Variants in ZNF709 observed in about 807,000 individuals in gnomAD.
The protein encoded by ZNF709 is zinc finger protein 709.
A neutral mutation model predicts 10.6 loss-of-function variants in ZNF709; 15 were observed. That is an observed-to-expected ratio of 1.41 (90% CI 0.95 to 2.18). The LOEUF is 2.18. ZNF709 is among the 30% of genes most tolerant of loss of function. The pLI is 0.00. For synonymous variants in ZNF709, 194 were observed against 238.8 expected, an observed-to-expected ratio of 0.81 and a Z score of 1.73; for missense variants, 589 against 774.0, an observed-to-expected ratio of 0.76 and a Z score of 2.84.
At chr19:12,481,277 C>G (rs538801064) in intron 1 of ZNF709, 1 of 729,502 alleles carries the variant, frequency 1.4e-6, no homozygotes, top group Non-Finnish European at 1.7e-6. Context: ...GTTGCCCAGG[C>G]TGGATTGCAG....
intron 1 of ZNF709, among the ~76,000 whole-genome samples, chr19:12,472,588 T>C (rs1253641874): frequency 7.4e-6 from 1 of 134,230 alleles, no homozygotes; most frequent in African/African-American, 2.8e-5. Context: ...ACCATATATA[T>C]GAAAAAAGGT....
chr19:12,463,944 A>T lies in ZNF709; in HGVS notation c.*52T>A. On this transcript the variant is annotated 3_prime_UTR_variant, in exon 4 of 4. Coordinates refer to ENST00000397732, the MANE Select transcript of ZNF709 (RefSeq NM_152601.4). ...TTCAACTCAAAAAAAAAAAAAAAAA[A>T]AAAGGAAATAGGACAACTGAAAACT... 7.5e-7 allele frequency: 1 copy of T among 1,328,442 alleles called. No individual in the cohort carries two copies. 82.3% of individuals were successfully genotyped at this position (1,328,442 alleles called of 1,614,324 possible).
chr19:12,468,346 C>T (rs1970602740), intron 1 of ZNF709, among the ~76,000 whole-genome samples: 1 of 152,094 alleles, frequency 6.6e-6, no homozygotes, highest in African/African-American at 2.4e-5. Flanking sequence ...TTGTTCAGTA[C>T]TAAGAAAAAT....
At chr19:12,484,623 CCATCT>C (rs756429494) in intron 1 of ZNF709, 27 bp downstream of exon 1, 1 of 1,613,720 alleles carries the variant, frequency 6.2e-7, no homozygotes, top group South Asian at 1.1e-5. Flanking sequence ...CCCCTCTCTC[CCATCT>C]CAAGACCCCC....
chr19:12,468,572 C>A (rs1368862715), intron 1 of ZNF709, among the ~76,000 whole-genome samples: 1 of 150,602 alleles, frequency 6.6e-6, no homozygotes, highest in Non-Finnish European at 1.5e-5. Flanking sequence ...GCCGCAGGGT[C>A]CTCTGCCTAG....
intron 1 of ZNF709, among the ~76,000 whole-genome samples, chr19:12,468,773 C>T (rs1970607113): frequency 6.6e-6 from 1 of 151,268 alleles, no homozygotes; most frequent in South Asian, 2.1e-4. Context: ...AAGAAAAATA[C>T]TTTTTATCTC....
intron 1 of ZNF709, among the ~76,000 whole-genome samples, chr19:12,481,512 T>A (rs1220502932): frequency 6.6e-6 from 1 of 152,176 alleles, no homozygotes; most frequent in Non-Finnish European, 1.5e-5. Context: ...AGCGCTGAAA[T>A]TACAGGCGTG....
At position 12,461,546 on chromosome 19, in the gene ZNF709, CAT is replaced by C. The variant is rs1385878671; in HGVS notation, c.*2448_*2449del. The C allele has an allele frequency of 3.9e-5, 6 of 152,144 alleles. No homozygotes were observed. In the East Asian group the frequency reaches 5.8e-4, roughly 15 times the overall value. The allele number at this position is 152,144 out of a possible 1,614,324, so 9.4% of individuals were successfully genotyped here. The stretch of plus-strand genomic sequence containing the variant: ...AGTTGTCACGGTGGAATCAGAAACA[CAT>C]AGTCACTGGTACTGTTAACAAAACA... On this transcript the variant is annotated 3_prime_UTR_variant, in exon 4 of 4. Coordinates refer to ENST00000397732, the MANE Select transcript of ZNF709 (RefSeq NM_152601.4).
chr19:12,468,114 T>C (rs1288709142), intron 1 of ZNF709, among the ~76,000 whole-genome samples: 2 of 149,446 alleles, frequency 1.3e-5, no homozygotes, highest in African/African-American at 2.5e-5. Context: ...GTCCAGGAGG[T>C]GGGGGGCGCC....
At position 12,464,851 on chromosome 19, in the gene ZNF709, C is replaced by T; in HGVS notation, c.1071G>A (p.Met357Ile). 1 of 1,613,756 alleles carries T rather than the reference C, an allele frequency of 6.2e-7. No individual in the cohort carries two copies. Among genetic ancestry groups the T allele is most frequent in the Non-Finnish European group, 8.5e-7 (1 of 1,179,902 alleles). Residue 357 changes from methionine to isoleucine, a missense_variant, in exon 4 of 4, where the codon ATG (methionine) becomes ATA (isoleucine). Met to Ile is a conservative substitution (Grantham distance 10). Around this residue, in one of 2 missense-constraint regions of ZNF709, gnomAD observed 418 missense variants for 496.3 expected, o/e 0.84. Coordinates refer to ENST00000397732, the MANE Select transcript of ZNF709 (RefSeq NM_152601.4). The part of the protein sequence containing the change: ...SLPSYRRHMI[M>I]HTGNGPYKCK... Reference sequence around the variant, plus strand: ...ATTTATAAGGTCCATTTCCAGTGTGCATTATCATATGTCTTCGATAGCTTG... The same window carrying T: ...ATTTATAAGGTCCATTTCCAGTGTGTATTATCATATGTCTTCGATAGCTTG...
At chr19:12,468,870 T>C (rs2144993162) in intron 1 of ZNF709, among the ~76,000 whole-genome samples, 1 of 152,146 alleles carries the variant, frequency 6.6e-6, no homozygotes, top group African/African-American at 2.4e-5. Context: ...AGACAGAGTC[T>C]TGCTCTGACG....
chr19:12,470,165 C>T (rs891149850), intron 1 of ZNF709, among the ~76,000 whole-genome samples: 4 of 152,098 alleles, frequency 2.6e-5, no homozygotes, highest in African/African-American at 9.7e-5. Flanking sequence ...CATGAGATCC[C>T]GACACCAAAG....
At position 12,484,786 on chromosome 19, in the gene ZNF709, A is replaced by C. The variant is rs1305074606; in HGVS notation, c.-129T>G. On this transcript the variant is annotated 5_prime_UTR_variant, in exon 1 of 4. Coordinates refer to ENST00000397732, the MANE Select transcript of ZNF709 (RefSeq NM_152601.4). ...GTGAGGAGACCCCAGAGCGGAGCGC[A>C]GCGGCTGGTAGCCACGCCCTCGCCG... 2.8e-5 allele frequency: 36 copies of C among 1,276,786 alleles called. No individual in the cohort carries two copies. The highest frequency in any genetic ancestry group is 3.9e-5 in the Non-Finnish European group (36 of 911,408). The allele number at this position is 1,276,786 out of a possible 1,614,324, so 79.1% of individuals were successfully genotyped here.
At chr19:12,481,499 C>T (rs985311728) in intron 1 of ZNF709, among the ~76,000 whole-genome samples, 4 of 152,152 alleles carry the variant, frequency 2.6e-5, no homozygotes, top group Admixed American at 1.3e-4. Flanking sequence ...CTCAGCCTCC[C>T]AAAGCGCTGA....
At chr19:12,476,357 A>C (rs889245867) in intron 1 of ZNF709, among the ~76,000 whole-genome samples, 1 of 151,518 alleles carries the variant, frequency 6.6e-6, no homozygotes, top group African/African-American at 2.4e-5. Flanking sequence ...GCACTACTGC[A>C]CTCTGGCCTG....
chr19:12,482,792 A>G (rs1287828695), intron 1 of ZNF709, among the ~76,000 whole-genome samples: 2 of 152,152 alleles, frequency 1.3e-5, no homozygotes, highest in African/African-American at 2.4e-5. Context: ...ATGAGCAGGT[A>G]GGACACCTGC....
At chr19:12,475,156 G>T (rs1782460502) in intron 1 of ZNF709, among the ~76,000 whole-genome samples, 1 of 151,194 alleles carries the variant, frequency 6.6e-6, no homozygotes, top group Non-Finnish European at 1.5e-5. Flanking sequence ...TACTTGGGAG[G>T]CTGAGGCAGA....
Position 12,468,006 on chromosome 19 carries a change from C to T in ZNF709, c.4-1156G>A, listed in dbSNP as rs1347780741. Reference sequence around the variant, plus strand: ...GGGTCAGCCCCCGCACGGCCAGCCGCCCCGTCCGGGAGGGAGGTGGGGGGT... The same window carrying T: ...GGGTCAGCCCCCGCACGGCCAGCCGTCCCGTCCGGGAGGGAGGTGGGGGGT... On this transcript the variant is annotated intron_variant, in intron 1 of 3. Coordinates refer to ENST00000397732, the MANE Select transcript of ZNF709 (RefSeq NM_152601.4). 4.1e-5 allele frequency among the ~76,000 whole-genome samples: 6 copies of T among 145,368 alleles called. No homozygotes were observed. In the South Asian group the frequency reaches 8.5e-4, roughly 21 times the overall value.
intron 1 of ZNF709, chr19:12,481,294 A>G (rs1170873832): frequency 1.4e-5 from 7 of 515,414 alleles, no homozygotes; most frequent in African/African-American, 1.3e-4. Flanking sequence ...GCAGTGCACA[A>G]TCTCGGTTCA....
Sources: gnomAD v4.1 joint callset for allele counts (sites outside exome capture counted in the v4.1 genomes callset) on GRCh38, gnomAD v4.1.1 for gene constraint, gnomAD v4.1.1 regional missense constraint, MANE v1.5 for transcripts, NCBI Gene and HGNC (gene_info 2026-07-23, HGNC 2026-07-21) for gene names.